ELP4: variants seen among roughly 807,000 people sequenced by gnomAD.
ELP4 encodes the protein elongator acetyltransferase complex subunit 4, also known as elongator complex protein 4.
A neutral mutation model predicts 48.9 loss-of-function variants in ELP4; 51 were observed. The observed-to-expected ratio is 1.04, with a 90% CI of 0.83 to 1.32. The LOEUF (loss-of-function observed/expected upper bound fraction) is 1.32, where lower values mean the gene tolerates loss of function less well. Ranked by LOEUF, ELP4 falls within the 40% of genes most tolerant of loss-of-function variation. The pLI is 0.00. For synonymous variants in ELP4, 210 were observed against 189.2 expected (o/e 1.11, Z -0.90); for missense variants, 519 against 514.6 (o/e 1.01, Z -0.08).
intron 9 of ELP4, among the ~76,000 whole-genome samples, chr11:31,676,680 AG>A (rs1322120029): frequency 6.6e-6 from 1 of 152,218 alleles, no homozygotes; most frequent in Non-Finnish European, 1.5e-5. Context: ...ACTAAGTGTT[AG>A]ACACTGTATA....
At chr11:31,762,405 C>T (rs577043788) in intron 9 of ELP4, among the ~76,000 whole-genome samples, 9 of 151,922 alleles carry the variant, frequency 5.9e-5, no homozygotes, top group Admixed American at 3.3e-4. Context: ...ACATTTTATT[C>T]GAAAGAACTT....
intron 9 of ELP4, among the ~76,000 whole-genome samples, chr11:31,706,534 T>G (rs1291321346): frequency 6.8e-6 from 1 of 147,966 alleles, no homozygotes; most frequent in Non-Finnish European, 1.5e-5. Context: ...TAATTTAATT[T>G]GTTTATATAT....
At chr11:31,671,783 A>G (rs1448863129) in intron 9 of ELP4, among the ~76,000 whole-genome samples, 1 of 152,218 alleles carries the variant, frequency 6.6e-6, no homozygotes, top group Non-Finnish European at 1.5e-5. Flanking sequence ...ATCTCAAGGT[A>G]GAAAATAAAC....
intron 9 of ELP4, among the ~76,000 whole-genome samples, chr11:31,733,170 G>A (rs1017044498): frequency 4.6e-5 from 7 of 152,084 alleles, no homozygotes; most frequent in African/African-American, 7.2e-5. Flanking sequence ...CACAAAATAA[G>A]TCTTAACAAA....
chr11:31,563,890 A>C (rs181182204), intron 3 of ELP4, among the ~76,000 whole-genome samples: 9 of 152,326 alleles, frequency 5.9e-5, no homozygotes, highest in Admixed American at 4.6e-4. Context: ...TGGGTTAGAA[A>C]TCAAAGGCTG....
chr11:31,641,898 G>C (rs1412676060), intron 7 of ELP4, among the ~76,000 whole-genome samples: 1 of 151,882 alleles, frequency 6.6e-6, no homozygotes, highest in African/African-American at 2.4e-5. Flanking sequence ...TTGGATATTA[G>C]CAATTGTTTT....
chr11:31,672,180 T>G (rs1945824051), intron 9 of ELP4, among the ~76,000 whole-genome samples: 2 of 152,172 alleles, frequency 1.3e-5, no homozygotes, highest in Non-Finnish European at 2.9e-5. Context: ...GCTTACCATC[T>G]GGACCCAATT....
chr11:31,754,066 T>A (rs1947783123), intron 9 of ELP4, among the ~76,000 whole-genome samples: 1 of 152,158 alleles, frequency 6.6e-6, no homozygotes, highest in African/African-American at 2.4e-5. Flanking sequence ...TCTACGTAAA[T>A]ACACACATGC....
At chr11:31,599,840 T>A (rs1185382278) in intron 4 of ELP4, 1 of 152,074 alleles carries the variant, frequency 6.6e-6, no homozygotes, top group Admixed American at 6.6e-5. Flanking sequence ...GATTACAATT[T>A]GAGTTGAGAT....
intron 7 of ELP4, among the ~76,000 whole-genome samples, chr11:31,639,943 T>C (rs1945057508): frequency 6.6e-6 from 1 of 152,062 alleles, no homozygotes; most frequent in African/African-American, 2.4e-5. Context: ...GGCCAAACTT[T>C]TCAAATGTAT....
At chr11:31,575,903 T>A (rs985370918) in intron 3 of ELP4, among the ~76,000 whole-genome samples, 1 of 152,148 alleles carries the variant, frequency 6.6e-6, no homozygotes, top group Non-Finnish European at 1.5e-5. Flanking sequence ...AATAATGAGC[T>A]AACATAATAA....
chr11:31,715,501 G>A (rs1442670648), intron 9 of ELP4, among the ~76,000 whole-genome samples: 1 of 152,178 alleles, frequency 6.6e-6, no homozygotes, highest in Non-Finnish European at 1.5e-5. Context: ...TCATGTTACA[G>A]CACGCTAAAT....
rs1947185293 is a variant in ELP4, at chr11:31,731,549, A to G, written c.1144-51844A>G. On this transcript the variant is annotated intron_variant, in intron 9 of 9. Coordinates refer to ENST00000640961, the MANE Select transcript of ELP4 (RefSeq NM_019040.5). ...AGAATGAAGAAAACCTAGGGGACTT[A>G]TGGTACACCATTAAGCAGGTGTGTG... Among the ~76,000 whole-genome samples, 3 of 140,498 alleles carry G rather than the reference A, an allele frequency of 2.1e-5. No individual in the cohort carries two copies. In the Admixed American group the frequency reaches 2.2e-4, roughly 10 times the overall value. The allele number at this position is 140,498 out of a possible 152,430, so 92.2% of individuals were successfully genotyped here.
intron 3 of ELP4, among the ~76,000 whole-genome samples, chr11:31,562,739 A>G (rs971791932): frequency 6.6e-6 from 1 of 152,126 alleles, no homozygotes; most frequent in Non-Finnish European, 1.5e-5. Flanking sequence ...TATGCGTGGA[A>G]ATAAGTTAAT....
chr11:31,623,602 ATTTAT>A (rs1267691651), intron 5 of ELP4, among the ~76,000 whole-genome samples: 2 of 150,532 alleles, frequency 1.3e-5, no homozygotes, highest in South Asian at 2.1e-4. Context: ...AATTAGAGGA[ATTTAT>A]TTTATTACTT....
intron 9 of ELP4, among the ~76,000 whole-genome samples, chr11:31,726,775 A>G (rs867006370): frequency 2.3e-4 from 35 of 152,196 alleles, no homozygotes; most frequent in African/African-American, 8.4e-4. Flanking sequence ...ATCATACAGT[A>G]CCAGTGTTCC....
chr11:31,536,885 C>G (rs192885473), intron 2 of ELP4, among the ~76,000 whole-genome samples: 90 of 152,268 alleles, frequency 5.9e-4, no homozygotes, highest in Non-Finnish European at 9.1e-4. Flanking sequence ...GATACCAGTC[C>G]TCTACTATGT....
chr11:31,566,085 A>G (rs188367403), intron 3 of ELP4, among the ~76,000 whole-genome samples: 2 of 152,258 alleles, frequency 1.3e-5, no homozygotes, highest in Admixed American at 6.5e-5. Flanking sequence ...CAACTTGCTT[A>G]AGGCTCATAT....
chr11:31,635,360 C>T (rs1351886826), intron 7 of ELP4, among the ~76,000 whole-genome samples: 3 of 151,954 alleles, frequency 2.0e-5, no homozygotes, highest in Non-Finnish European at 4.4e-5. Context: ...ATTTAATTCT[C>T]ATAATAACCC....
Sources: allele counts gnomAD v4.1 joint callset (sites outside exome capture counted in the v4.1 genomes callset), GRCh38; gene constraint gnomAD v4.1.1; transcripts MANE v1.5; gene names NCBI Gene and HGNC (gene_info 2026-07-23, HGNC 2026-07-21).